The following EGFR variants were observed in gnomAD, a reference collection of about 807,000 sequenced individuals.
The protein encoded by EGFR is avian erythroblastic leukemia viral (v-erb-b) oncogene homolog.
A neutral mutation model predicts 143.0 loss-of-function variants in EGFR; 58 were observed. That is an observed-to-expected ratio of 0.41 (90% CI 0.33 to 0.50). The LOEUF is 0.50. Among genes scored for constraint, EGFR ranks in the 20% least tolerant of loss-of-function variants. The probability of loss-of-function intolerance (pLI) is 0.39; values close to 1 mark genes in which losing one functional copy is unlikely to be tolerated. For synonymous variants in EGFR, 613 were observed against 594.4 expected, an observed-to-expected ratio of 1.03 and a Z score of -0.45; for missense variants, 1,307 against 1,579.0, an observed-to-expected ratio of 0.83 and a Z score of 2.92.
chr7:55,165,946 G>A (rs769863615), intron 15 of EGFR, among the ~76,000 whole-genome samples: 1 of 152,314 alleles, frequency 6.6e-6, no homozygotes, highest in South Asian at 2.1e-4. Flanking sequence ...GGGATTCCAA[G>A]GCAGGCAGAT....
intron 1 of EGFR, among the ~76,000 whole-genome samples, chr7:55,130,025 C>A (rs1398372461): frequency 6.6e-6 from 1 of 152,182 alleles, no homozygotes; most frequent in Non-Finnish European, 1.5e-5. Context: ...CACACTATCC[C>A]AGCAGAGTTG....
Position 55,028,114 on chromosome 7 carries a change from G to C in EGFR, c.88+8749G>C, listed in dbSNP as rs1159053765. Among the ~76,000 whole-genome samples, 21 of 149,680 alleles carry C rather than the reference G, an allele frequency of 1.4e-4. No individual in the cohort carries two copies. In the Admixed American group the frequency reaches 1.4e-3, roughly 10 times the overall value. ...CATGAAGGATTTTATTTTATAAGCA[G>C]AAATGTGATATCTGACGATTTTACC... On this transcript the variant is annotated intron_variant, in intron 1 of 27. Transcript: ENST00000275493.
rs41454444 is a variant in EGFR, at chr7:55,207,051, T to C, written c.*1434T>C. On this transcript the variant is annotated 3_prime_UTR_variant, in exon 28 of 28. Coordinates refer to ENST00000275493, the MANE Select transcript of EGFR (RefSeq NM_005228.5). ...CAGCTAGTTAGGAGCCCACCTTTTT[T>C]CCTAATCTGTGTGTGCCCTGTAACC... is the stretch of plus-strand genomic sequence containing the variant. 93 of 233,042 alleles carry C rather than the reference T, an allele frequency of 4.0e-4. 1 individual carries two copies. Among genetic ancestry groups the C allele is most frequent in the African/African-American group, 1.9e-3 (86 of 45,472 alleles). 14.4% of individuals were successfully genotyped at this position (233,042 alleles called of 1,614,324 possible). A position where few individuals can be genotyped will look rare whatever the true frequency, so the allele number is the denominator to read the frequency against.
At chr7:55,102,614 A>G (rs2128902341) in intron 1 of EGFR, among the ~76,000 whole-genome samples, 1 of 152,342 alleles carries the variant, frequency 6.6e-6, no homozygotes, top group South Asian at 2.1e-4. Flanking sequence ...TGTTAACAAT[A>G]TATGGTTTTC....
intron 1 of EGFR, among the ~76,000 whole-genome samples, chr7:55,055,704 GCACACA>G (rs796811031): frequency 9.2e-6 from 1 of 108,384 alleles, no homozygotes; most frequent in Admixed American, 1.1e-4. Flanking sequence ...CCTCTTGCAC[GCACACA>G]CACACACACA....
intron 1 of EGFR, among the ~76,000 whole-genome samples, chr7:55,039,378 G>T (rs1024404287): frequency 1.3e-5 from 2 of 152,208 alleles, no homozygotes; most frequent in African/African-American, 4.8e-5. Flanking sequence ...AGATGACCAG[G>T]ATGGTGGAAG....
chr7:55,138,704 AT>A (rs1365083741), intron 1 of EGFR, among the ~76,000 whole-genome samples: 2 of 152,120 alleles, frequency 1.3e-5, no homozygotes, highest in Non-Finnish European at 2.9e-5. Flanking sequence ...AAGCTTATAT[AT>A]TTTTTCAATC....
chr7:55,037,527 C>G (rs1019849548), intron 1 of EGFR, among the ~76,000 whole-genome samples: 1 of 152,236 alleles, frequency 6.6e-6, no homozygotes, highest in Non-Finnish European at 1.5e-5. Context: ...CACGCGGTGT[C>G]TCATTTGAAT....
chr7:55,027,991 A>AAATATATATAT (rs1554311534), intron 1 of EGFR, among the ~76,000 whole-genome samples: 55 of 54,976 alleles, frequency 1.0e-3, no homozygotes, highest in East Asian at 2.5e-3. Flanking sequence ...AAAAAAAAAA[A>AAATATATATAT]ATATATATAT....
intron 1 of EGFR, among the ~76,000 whole-genome samples, chr7:55,116,053 A>G (rs1291313722): frequency 6.6e-6 from 1 of 152,252 alleles, no homozygotes; most frequent in Admixed American, 6.5e-5. Context: ...ATGTGGATTC[A>G]TGGTAACTGT....
rs902193928 is a variant in EGFR, at chr7:55,059,548, T to C, written c.88+40183T>C. On this transcript the variant is annotated intron_variant, in intron 1 of 27. Transcript: ENST00000275493. ...TCTTCAGGTCTGGACAAATCTATAA[T>C]GACATGCATTCACCATTACTATATC... is the stretch of plus-strand genomic sequence containing the variant. 4.6e-5 allele frequency among the ~76,000 whole-genome samples: 7 copies of C among 152,238 alleles called. No homozygotes were observed. The East Asian group carries it at 1.4e-3, about 29-fold the overall frequency.
chr7:55,084,645 G>A lies in EGFR; in HGVS notation c.89-57641G>A, dbSNP rs1381307344. On this transcript the variant is annotated intron_variant, in intron 1 of 27. Transcript: ENST00000275493. ...TCAGTTACAAGGCTACACTTGGGAG[G>A]AATGTTTACAAACTGGAATGGTCAG... is the stretch of plus-strand genomic sequence containing the variant. Among the ~76,000 whole-genome samples, 3 of 152,226 alleles carry A rather than the reference G, an allele frequency of 2.0e-5. No homozygotes were observed. The East Asian group carries it at 5.8e-4, about 29-fold the overall frequency.
intron 1 of EGFR, 110 bp from the exon 2 acceptor site, chr7:55,142,176 G>C: frequency 7.5e-7 from 1 of 1,337,658 alleles, no homozygotes. Flanking sequence ...TCTCTGTGTG[G>C]AGAGAGTGAA....
intron 25 of EGFR, 73 bp from the exon 26 acceptor site, chr7:55,201,662 C>T (rs1333919369): frequency 6.4e-7 from 1 of 1,570,246 alleles, no homozygotes; most frequent in Non-Finnish European, 8.8e-7. Context: ...TGAGGCACAC[C>T]ACCTGCATTC....
intron 1 of EGFR, among the ~76,000 whole-genome samples, chr7:55,098,272 G>T (rs1231199457): frequency 1.3e-5 from 2 of 152,046 alleles, no homozygotes; most frequent in East Asian, 3.9e-4. Flanking sequence ...TAACTAATTT[G>T]CAGCCTTCGG....
At position 55,205,438 on chromosome 7, in the gene EGFR, G is replaced by A. The variant is rs368892932; in HGVS notation, c.3454G>A (p.Asp1152Asn). The A allele has an allele frequency of 3.1e-6, 5 of 1,613,944 alleles. No individual in the cohort carries two copies. Among genetic ancestry groups the A allele is most frequent in the Non-Finnish European group, 3.4e-6 (4 of 1,180,030 alleles). Reference sequence around the variant, plus strand: ...GCCCACCTGTGTCAACAGCACATTCGACAGCCCTGCCCACTGGGCCCAGAA... The same window carrying A: ...GCCCACCTGTGTCAACAGCACATTCAACAGCCCTGCCCACTGGGCCCAGAA... ...VQPTCVNSTF[D>N]SPAHWAQKGS... The change falls in exon 28 of 28, where the codon GAC (aspartate) becomes AAC (asparagine). Residue 1152 changes from aspartate (D) to asparagine (N), a missense_variant. Around this residue, in one of 7 missense-constraint regions of EGFR, gnomAD observed 313 missense variants for 312.3 expected, o/e 1.00. Transcript: ENST00000275493.
chr7:55,166,302 G>A, intron 15 of EGFR: 1 of 576,844 alleles, frequency 1.7e-6, no homozygotes. Flanking sequence ...TCATATAGTA[G>A]TTCACACTTA....
intron 15 of EGFR, chr7:55,168,405 C>T: frequency 1.3e-6 from 1 of 754,724 alleles, no homozygotes. Flanking sequence ...TTGGCATTTT[C>T]AATACACTTA....
In EGFR at chr7:55,166,786, T is replaced by C. The variant is rs572435390; in HGVS notation, c.1880+1349T>C. Among the ~76,000 whole-genome samples the C allele has an allele frequency of 3.8e-5, 5 of 132,690 alleles. No homozygotes were observed. The South Asian group carries it at 1.6e-3, about 43-fold the overall frequency. 87.0% of individuals were successfully genotyped at this position (132,690 alleles called of 152,430 possible). A position where few individuals can be genotyped will look rare whatever the true frequency, so the allele number is the denominator to read the frequency against. On this transcript the variant is annotated intron_variant, in intron 15 of 27. Transcript: ENST00000275493. ...GAGGAGGTGAGAGTCACAATGTTGG[T>C]GGTGTTGGTGGTGGTGGTGGTGAGG...
Sources: allele counts gnomAD v4.1 joint callset (sites outside exome capture counted in the v4.1 genomes callset), GRCh38; gene constraint gnomAD v4.1.1; regional missense constraint gnomAD v4.1.1; transcripts MANE v1.5; gene names NCBI Gene and HGNC (gene_info 2026-07-23, HGNC 2026-07-21).